The following LARS2 variants were observed in gnomAD, a reference collection of about 807,000 sequenced individuals.
LARS2 encodes the protein leucine--tRNA ligase, mitochondrial.
In LARS2, 81 loss-of-function variants were observed where a neutral mutation model predicts 116.6. The observed-to-expected ratio is 0.69, with a 90% confidence interval of 0.58 to 0.84. The LOEUF (loss-of-function observed/expected upper bound fraction) is 0.84, where lower values mean the gene tolerates loss of function less well. Among genes scored for constraint, LARS2 ranks in the 40% least tolerant of loss-of-function variants. The pLI, the probability that LARS2 is intolerant of heterozygous loss-of-function variation, is 0.00. For missense variants in LARS2, 968 were observed against 1,114.5 expected, an observed-to-expected ratio of 0.87 and a Z score of 1.87; for synonymous variants, 396 against 407.2, an observed-to-expected ratio of 0.97 and a Z score of 0.33.
intron 6 of LARS2, among the ~76,000 whole-genome samples, chr3:45,440,121 G>A (rs1175068699): frequency 6.6e-6 from 1 of 152,256 alleles, no homozygotes; most frequent in African/African-American, 2.4e-5. Flanking sequence ...CTCTTCCAAC[G>A]CCGCAGGTGT....
At chr3:45,474,660 T>G (rs1699583486) in intron 9 of LARS2, among the ~76,000 whole-genome samples, 1 of 152,226 alleles carries the variant, frequency 6.6e-6, no homozygotes. Context: ...ACATTTATAG[T>G]ACACATTAGC....
intron 11 of LARS2, among the ~76,000 whole-genome samples, chr3:45,488,005 T>G (rs2125729435): frequency 6.6e-6 from 1 of 151,152 alleles, no homozygotes; most frequent in South Asian, 2.1e-4. Context: ...GCTGGAGGAG[T>G]CAGCCCCGCT....
At position 45,389,832 on chromosome 3, in the gene LARS2, A is replaced by G. The variant is rs570741066; in HGVS notation, c.-88+1152A>G. On this transcript the variant is annotated intron_variant, in intron 1 of 21. Transcript: ENST00000645846. ...ATGGCTGCTCCTCGCTGTCAATAAG[A>G]GGCAGTCCATCAGGGCTTTGGTGGA... is the stretch of plus-strand genomic sequence containing the variant. Among the ~76,000 whole-genome samples, 3 of 152,294 alleles carry G rather than the reference A, an allele frequency of 2.0e-5. No homozygotes were observed. The South Asian group carries it at 6.2e-4, about 32-fold the overall frequency.
chr3:45,412,304 A>G lies in LARS2; in HGVS notation c.364-5178A>G, dbSNP rs554408547. Among the ~76,000 whole-genome samples the G allele has an allele frequency of 7.2e-5, 11 of 152,304 alleles. No individual in the cohort carries two copies. In the South Asian group the frequency reaches 2.1e-3, roughly 29 times the overall value. ...AATGGTTGAACCAATTTACGCTCCC[A>G]CCAAGAGTGTGTAAACATTCCCTTT... On this transcript the variant is annotated intron_variant, in intron 4 of 21. Transcript: ENST00000645846.
At position 45,547,360 on chromosome 3, in the gene LARS2, A is replaced by G. The variant is rs376815977; in HGVS notation, c.2542A>G (p.Lys848Glu). ...VVQMAVLINNKACGKIPVPQQ... is the reference protein window; with the variant it reads ...VVQMAVLINNEACGKIPVPQQ... ...CTTTTCTCCTTCTCAGATCAACAAT[A>G]AAGCTTGTGGCAAAATTCCTGTGCC... Residue 848 changes from lysine to glutamate, a missense_variant, in exon 22 of 22, where the codon AAA becomes GAA. Lys to Glu is a moderately conservative substitution (Grantham distance 56, BLOSUM62 1). Coordinates refer to ENST00000645846, the MANE Select transcript of LARS2 (RefSeq NM_015340.4). 5.6e-6 allele frequency: 9 copies of G among 1,609,084 alleles called. No homozygotes were observed. The highest frequency in any genetic ancestry group is 7.6e-6 in the Non-Finnish European group (9 of 1,178,360).
rs562620973 is a variant in LARS2 at position 45,399,930 on chromosome 3, C to A, written c.235-315C>A. On this transcript the variant is annotated intron_variant, in intron 3 of 21. Coordinates refer to ENST00000645846, the MANE Select transcript of LARS2 (RefSeq NM_015340.4). ...TTCATTTAGAATAATAGTCTCCAAT[C>A]TCACCCAGGTCACTGCAAATACTGT... 8.6e-5 allele frequency among the ~76,000 whole-genome samples: 13 copies of A among 151,996 alleles called. No individual in the cohort carries two copies. In the South Asian group the frequency reaches 2.7e-3, roughly 32 times the overall value.
intron 6 of LARS2, among the ~76,000 whole-genome samples, chr3:45,432,025 C>A (rs1351674829): frequency 3.3e-5 from 5 of 152,026 alleles, no homozygotes; most frequent in Non-Finnish European, 5.9e-5. Context: ...CTGTAGTGAT[C>A]AGACAAAATA....
chr3:45,450,980 T>C (rs1406615812), intron 7 of LARS2, among the ~76,000 whole-genome samples: 2 of 152,230 alleles, frequency 1.3e-5, no homozygotes, highest in Non-Finnish European at 2.9e-5. Flanking sequence ...TAGCCATTTG[T>C]ATGTCTTCTT....
chr3:45,458,104 T>C (rs370534874), intron 7 of LARS2, among the ~76,000 whole-genome samples: 2 of 152,228 alleles, frequency 1.3e-5, no homozygotes, highest in South Asian at 2.1e-4. Context: ...CCTAAAATAA[T>C]CCTATTCTGT....
rs372762158 is a variant in LARS2 at position 45,439,662 on chromosome 3, G to T, written c.517-7229G>T. Reference sequence around the variant, plus strand: ...TTATGTTTGTTTTGTGAAAACGGAGGATTGAATGTAAGGACTAAAGAGAAT... The same window carrying T: ...TTATGTTTGTTTTGTGAAAACGGAGTATTGAATGTAAGGACTAAAGAGAAT... On this transcript the variant is annotated intron_variant, in intron 6 of 21. Coordinates refer to ENST00000645846, the MANE Select transcript of LARS2 (RefSeq NM_015340.4). 6.9e-4 allele frequency among the ~76,000 whole-genome samples: 105 copies of T among 151,864 alleles called. 1 individual carries two copies. The highest frequency in any genetic ancestry group is 2.4e-3 in the African/African-American group (100 of 41,426).
At chr3:45,406,631 C>T (rs1311627672) in intron 4 of LARS2, among the ~76,000 whole-genome samples, 1 of 152,144 alleles carries the variant, frequency 6.6e-6, no homozygotes, top group Admixed American at 6.5e-5. Context: ...GCCCTACCCG[C>T]ATCATGGATT....
At chr3:45,397,467 A>G (rs1317139794) in intron 3 of LARS2, among the ~76,000 whole-genome samples, 1 of 152,222 alleles carries the variant, frequency 6.6e-6, no homozygotes, top group Non-Finnish European at 1.5e-5. Flanking sequence ...CTTAGCTAGT[A>G]TATAATTATT....
chr3:45,463,201 A>G (rs905916481), intron 8 of LARS2, among the ~76,000 whole-genome samples: 10 of 152,188 alleles, frequency 6.6e-5, no homozygotes, highest in Admixed American at 2.0e-4. Context: ...GCAAATAGAG[A>G]GAAGGCCTCC....
At chr3:45,517,869 C>T in intron 17 of LARS2, 34 bp from the exon 18 acceptor site, 2 of 1,579,320 alleles carry the variant, frequency 1.3e-6, no homozygotes, top group Non-Finnish European at 1.7e-6. Context: ...ATGTTGCACG[C>T]TCTCTCTTTC....
chr3:45,419,468 T>G (rs1054563715), intron 5 of LARS2, among the ~76,000 whole-genome samples: 2 of 152,252 alleles, frequency 1.3e-5, no homozygotes, highest in Non-Finnish European at 2.9e-5. Flanking sequence ...TCTGTATATG[T>G]CCAAATAATG....
At chr3:45,448,733 G>C (rs376160749) in intron 7 of LARS2, among the ~76,000 whole-genome samples, 6 of 152,360 alleles carry the variant, frequency 3.9e-5, no homozygotes, top group East Asian at 1.9e-4. Flanking sequence ...ATGTTCTTAA[G>C]GCACAGATTG....
At chr3:45,420,699 A>T (rs931287030) in intron 6 of LARS2, among the ~76,000 whole-genome samples, 1 of 152,180 alleles carries the variant, frequency 6.6e-6, no homozygotes, top group Non-Finnish European at 1.5e-5. Flanking sequence ...AGAATGAAAT[A>T]CGGTCACAGG....
At chr3:45,422,361 T>C (rs540697014) in intron 6 of LARS2, 4 of 152,316 alleles carry the variant, frequency 2.6e-5, no homozygotes, top group Non-Finnish European at 5.9e-5. Context: ...CAGTCTGTCA[T>C]TTGCCTTGCA....
At chr3:45,523,075 A>G (rs1446118528) in intron 19 of LARS2, among the ~76,000 whole-genome samples, 3 of 152,104 alleles carry the variant, frequency 2.0e-5, no homozygotes, top group African/African-American at 7.2e-5. Context: ...CATTTCCTGT[A>G]TATTCTGTGC....
Sources: gnomAD v4.1 joint callset for allele counts (sites outside exome capture counted in the v4.1 genomes callset) on GRCh38, gnomAD v4.1.1 for gene constraint, MANE v1.5 for transcripts, NCBI Gene and HGNC (gene_info 2026-07-23, HGNC 2026-07-21) for gene names.